The following CNTN5 variants were observed in gnomAD, a reference collection of about 807,000 sequenced individuals.
CNTN5 encodes the protein contactin 5.
CNTN5 carries 77 observed loss-of-function variants against 129.1 expected under a neutral mutation model. The ratio of observed to expected loss-of-function variants is 0.60; its 90% CI spans 0.50 to 0.72. The LOEUF (loss-of-function observed/expected upper bound fraction) is 0.72. CNTN5 is among the 30% of genes least tolerant of loss of function. The probability of loss-of-function intolerance (pLI) is 0.00; values close to 1 mark genes in which losing one functional copy is unlikely to be tolerated. For synonymous variants in CNTN5, 509 were observed against 465.6 expected, an observed-to-expected ratio of 1.09 and a Z score of -1.20; for missense variants, 1,478 against 1,328.8, an observed-to-expected ratio of 1.11 and a Z score of -1.75.
At chr11:99,211,497 G>A (rs1859782936) in intron 1 of CNTN5, among the ~76,000 whole-genome samples, 1 of 151,350 alleles carries the variant, frequency 6.6e-6, no homozygotes, top group Admixed American at 6.6e-5. Flanking sequence ...TAGAGAACTT[G>A]TTATTTGAAA....
At chr11:99,447,924 AAAAAT>A (rs1368333032) in intron 2 of CNTN5, among the ~76,000 whole-genome samples, 4 of 152,264 alleles carry the variant, frequency 2.6e-5, no homozygotes, top group African/African-American at 7.2e-5. Flanking sequence ...GACTCCGTCT[AAAAAT>A]AAAATAAAAT....
intron 9 of CNTN5, among the ~76,000 whole-genome samples, chr11:100,009,683 A>G (rs1180381995): frequency 1.3e-5 from 2 of 152,142 alleles, no homozygotes; most frequent in East Asian, 3.9e-4. Flanking sequence ...AGGCAGTGGA[A>G]GCTCTTTGCC....
intron 9 of CNTN5, among the ~76,000 whole-genome samples, chr11:100,046,746 T>A (rs992203872): frequency 3.3e-5 from 5 of 152,150 alleles, no homozygotes; most frequent in African/African-American, 1.2e-4. Context: ...GGCAGGGTAG[T>A]TTGTACCATA....
intron 2 of CNTN5, among the ~76,000 whole-genome samples, chr11:99,355,827 T>TTG (rs1392485750): frequency 5.3e-5 from 8 of 149,822 alleles, no homozygotes; most frequent in African/African-American, 7.4e-5. Context: ...TTTTGTTTTT[T>TTG]TTTTTTTTGT....
intron 1 of CNTN5, among the ~76,000 whole-genome samples, chr11:99,104,240 G>A (rs776219791): frequency 1.3e-5 from 2 of 152,118 alleles, no homozygotes; most frequent in Non-Finnish European, 2.9e-5. Flanking sequence ...TTCATGAAGA[G>A]CTCACTCACC....
At chr11:100,325,339 T>G (rs1293246341) in intron 21 of CNTN5, among the ~76,000 whole-genome samples, 2 of 152,170 alleles carry the variant, frequency 1.3e-5, no homozygotes, top group African/African-American at 4.8e-5. Flanking sequence ...GTTGCAACTT[T>G]TGTGTTAGAA....
chr11:99,032,119 T>G (rs866679128), intron 1 of CNTN5, among the ~76,000 whole-genome samples: 29 of 152,170 alleles, frequency 1.9e-4, no homozygotes, highest in South Asian at 4.2e-4. Context: ...TGGCTGCATA[T>G]TATTCCATGG....
chr11:99,134,979 A>T (rs145702939), intron 1 of CNTN5, among the ~76,000 whole-genome samples: 135 of 152,322 alleles, frequency 8.9e-4, no homozygotes, highest in African/African-American at 3.1e-3. Flanking sequence ...GACTTTTGTC[A>T]TCTCTTTTTT....
intron 20 of CNTN5, 30 bp from the exon 21 acceptor site, chr11:100,308,329 T>A: frequency 1.9e-6 from 3 of 1,594,612 alleles, no homozygotes; most frequent in Non-Finnish European, 2.6e-6. Flanking sequence ...ATAAACTTTT[T>A]ATAATTGTGG....
At chr11:100,153,925 A>C (rs1947147782) in intron 13 of CNTN5, among the ~76,000 whole-genome samples, 1 of 152,118 alleles carries the variant, frequency 6.6e-6, no homozygotes, top group Non-Finnish European at 1.5e-5. Context: ...TTTCAAGTCT[A>C]CTTAAAATTA....
intron 1 of CNTN5, among the ~76,000 whole-genome samples, chr11:99,151,309 A>T (rs1860044892): frequency 6.6e-6 from 1 of 152,038 alleles, no homozygotes; most frequent in Non-Finnish European, 1.5e-5. Context: ...TGTGTGTGTG[A>T]TAGGGATGGA....
At chr11:100,046,675 G>T (rs1328992635) in intron 9 of CNTN5, among the ~76,000 whole-genome samples, 1 of 151,824 alleles carries the variant, frequency 6.6e-6, no homozygotes, top group Admixed American at 6.6e-5. Flanking sequence ...TCAGACTTTG[G>T]ATTGTTACCA....
At chr11:99,646,837 C>G (rs951115368) in intron 3 of CNTN5, among the ~76,000 whole-genome samples, 1 of 148,782 alleles carries the variant, frequency 6.7e-6, no homozygotes, top group Non-Finnish European at 1.5e-5. Flanking sequence ...AGGAAAAAAA[C>G]CCTAGACTTG....
chr11:99,521,974 T>G (rs1020940574), intron 2 of CNTN5, among the ~76,000 whole-genome samples: 3 of 152,282 alleles, frequency 2.0e-5, no homozygotes, highest in Admixed American at 2.0e-4. Context: ...CAAGTAGTCT[T>G]GTGACTAGCA....
intron 1 of CNTN5, among the ~76,000 whole-genome samples, chr11:99,321,806 G>A (rs919512671): frequency 6.6e-6 from 1 of 152,140 alleles, no homozygotes; most frequent in African/African-American, 2.4e-5. Flanking sequence ...TTCTACAGAG[G>A]TAGTAGGTAG....
intron 3 of CNTN5, among the ~76,000 whole-genome samples, chr11:99,691,878 T>G (rs546486275): frequency 6.6e-6 from 1 of 152,264 alleles, no homozygotes; most frequent in East Asian, 1.9e-4. Flanking sequence ...TGTGGGAGTC[T>G]AAGTCTCTTT....
At chr11:99,097,728 T>C (rs1420396358) in intron 1 of CNTN5, among the ~76,000 whole-genome samples, 1 of 151,898 alleles carries the variant, frequency 6.6e-6, no homozygotes, top group East Asian at 1.9e-4. Context: ...AAGAACCATA[T>C]TTGCTTTATT....
At chr11:99,871,892 C>A (rs1267520854) in intron 6 of CNTN5, among the ~76,000 whole-genome samples, 1 of 151,402 alleles carries the variant, frequency 6.6e-6, no homozygotes, top group Admixed American at 6.6e-5. Flanking sequence ...AGCCATGATG[C>A]ATATTGGCTA....
intron 3 of CNTN5, among the ~76,000 whole-genome samples, chr11:99,592,631 G>A (rs766896647): frequency 1.3e-5 from 2 of 151,196 alleles, no homozygotes; most frequent in Non-Finnish European, 3.0e-5. Flanking sequence ...CAAAAAATTA[G>A]ACAAAAAAGA....
Sources: gnomAD v4.1 joint callset for allele counts (sites outside exome capture counted in the v4.1 genomes callset) on GRCh38, gnomAD v4.1.1 for gene constraint, MANE v1.5 for transcripts, NCBI Gene and HGNC (gene_info 2026-07-23, HGNC 2026-07-21) for gene names.